Variants in FBXL7 observed in about 807,000 individuals in gnomAD.
FBXL7 encodes F-box and leucine rich repeat protein 7, also known as F-box/LRR-repeat protein 7.
A neutral mutation model predicts 38.3 loss-of-function variants in FBXL7; 12 were observed. The observed-to-expected ratio is 0.31, with a 90% CI of 0.20 to 0.51. The LOEUF is 0.51. FBXL7 is among the 20% of genes least tolerant of loss of function. FBXL7 has a pLI of 0.98. For synonymous variants in FBXL7, 297 were observed against 300.9 expected (o/e 0.99, Z 0.13); for missense variants, 567 against 676.4 (o/e 0.84, Z 1.79).
chr5:15,513,260 A>AT (rs939873522), intron 1 of FBXL7, among the ~76,000 whole-genome samples: 106 of 150,260 alleles, frequency 7.1e-4, no homozygotes, highest in East Asian at 1.4e-3. Flanking sequence ...CATTGTTTCT[A>AT]TTTTTTTTTT....
At chr5:15,593,188 C>G (rs1739531007) in intron 1 of FBXL7, among the ~76,000 whole-genome samples, 1 of 152,204 alleles carries the variant, frequency 6.6e-6, no homozygotes, top group African/African-American at 2.4e-5. Context: ...CTCCCTCTCA[C>G]TTCCTCTGGA....
At chr5:15,768,802 G>A (rs1736658184) in intron 2 of FBXL7, among the ~76,000 whole-genome samples, 1 of 152,166 alleles carries the variant, frequency 6.6e-6, no homozygotes, top group African/African-American at 2.4e-5. Context: ...TGCTGTGCAG[G>A]CAACAGCTGG....
At chr5:15,614,000 A>C (rs755756481) in intron 1 of FBXL7, among the ~76,000 whole-genome samples, 1 of 152,146 alleles carries the variant, frequency 6.6e-6, no homozygotes, top group Non-Finnish European at 1.5e-5. Flanking sequence ...TCATAAGGGC[A>C]CTAAGCAGAG....
chr5:15,599,166 A>T (rs1739713670), intron 1 of FBXL7, among the ~76,000 whole-genome samples: 1 of 152,176 alleles, frequency 6.6e-6, no homozygotes, highest in Non-Finnish European at 1.5e-5. Context: ...AGTGGAAGAG[A>T]CAGGGAGGAA....
chr5:15,766,014 ATCTGTCTG>A (rs70938028), intron 2 of FBXL7, among the ~76,000 whole-genome samples: 3 of 151,074 alleles, frequency 2.0e-5, no homozygotes, highest in African/African-American at 7.3e-5. Flanking sequence ...CTTCATCTAT[ATCTGTCTG>A]TCTGTCTGTC....
At chr5:15,735,508 C>G (rs1413123613) in intron 2 of FBXL7, among the ~76,000 whole-genome samples, 3 of 152,114 alleles carry the variant, frequency 2.0e-5, no homozygotes, top group African/African-American at 7.2e-5. Flanking sequence ...GAGGAAACAT[C>G]AACTGAAATA....
intron 1 of FBXL7, among the ~76,000 whole-genome samples, chr5:15,566,151 T>C (rs559057203): frequency 3.8e-4 from 58 of 152,088 alleles, no homozygotes; most frequent in Non-Finnish European, 7.2e-4. Flanking sequence ...AGATAAAAGA[T>C]GGAGGAAAAT....
At chr5:15,694,019 A>C (rs1336173872) in intron 2 of FBXL7, among the ~76,000 whole-genome samples, 2 of 120,220 alleles carry the variant, frequency 1.7e-5, no homozygotes, top group East Asian at 5.5e-4. Context: ...GAACTGATTA[A>C]CACAAGCTGC....
chr5:15,641,401 T>A (rs1741365088), intron 2 of FBXL7, among the ~76,000 whole-genome samples: 1 of 152,048 alleles, frequency 6.6e-6, no homozygotes, highest in African/African-American at 2.4e-5. Flanking sequence ...CAGGAGGCAG[T>A]AGAGACAGGT....
At chr5:15,718,914 A>G (rs1056817785) in intron 2 of FBXL7, among the ~76,000 whole-genome samples, 5 of 152,194 alleles carry the variant, frequency 3.3e-5, no homozygotes, top group African/African-American at 4.8e-5. Context: ...AGATAAGCCC[A>G]GACTTTTCTC....
chr5:15,600,431 G>A (rs1429851336), intron 1 of FBXL7, among the ~76,000 whole-genome samples: 1 of 152,166 alleles, frequency 6.6e-6, no homozygotes, highest in East Asian at 1.9e-4. Flanking sequence ...CGGCTTTCAA[G>A]GTTTTTCTGG....
intron 2 of FBXL7, among the ~76,000 whole-genome samples, chr5:15,893,541 T>C (rs1251298004): frequency 6.6e-6 from 1 of 152,172 alleles, no homozygotes; most frequent in Non-Finnish European, 1.5e-5. Flanking sequence ...ATAGTACCTA[T>C]TGAATTTCAG....
intron 3 of FBXL7, among the ~76,000 whole-genome samples, chr5:15,933,095 A>G (rs567685565): frequency 1.3e-5 from 2 of 152,198 alleles, no homozygotes; most frequent in African/African-American, 4.8e-5. Context: ...TAATGTTTGA[A>G]TGTGTGAACT....
intron 2 of FBXL7, among the ~76,000 whole-genome samples, chr5:15,865,920 A>C (rs1739689925): frequency 6.6e-6 from 1 of 152,208 alleles, no homozygotes; most frequent in Non-Finnish European, 1.5e-5. Context: ...CTTCAGGGAA[A>C]ATGCCCACAT....
In FBXL7 at chr5:15,706,138, C is replaced by T. The variant is rs534790983; in HGVS notation, c.127+90066C>T. On this transcript the variant is annotated intron_variant, in intron 2 of 3. Coordinates refer to ENST00000504595, the MANE Select transcript of FBXL7 (RefSeq NM_012304.5). ...GGTATGATACAGTTTGTATATTTGT[C>T]TCTGTCTAAATCTTACGTTGAATAG... 2.0e-5 allele frequency among the ~76,000 whole-genome samples: 3 copies of T among 152,262 alleles called. No individual in the cohort carries two copies. In the East Asian group the frequency reaches 5.8e-4, roughly 29 times the overall value.
chr5:15,625,122 C>T (rs1740769714), intron 2 of FBXL7, among the ~76,000 whole-genome samples: 1 of 152,142 alleles, frequency 6.6e-6, no homozygotes, highest in African/African-American at 2.4e-5. Flanking sequence ...CTCAGACATT[C>T]TGTTATAGCA....
At chr5:15,714,481 A>G (rs1194187372) in intron 2 of FBXL7, among the ~76,000 whole-genome samples, 4 of 150,432 alleles carry the variant, frequency 2.7e-5, no homozygotes, top group African/African-American at 5.0e-5. Flanking sequence ...AACAGACTAC[A>G]CAAGGTAATG....
chr5:15,915,048 T>C (rs906148127), intron 2 of FBXL7, among the ~76,000 whole-genome samples: 6 of 152,170 alleles, frequency 3.9e-5, no homozygotes, highest in Non-Finnish European at 7.4e-5. Context: ...TGACTGAAAA[T>C]TCATCAGTTA....
intron 1 of FBXL7, among the ~76,000 whole-genome samples, chr5:15,607,649 C>A (rs1203555509): frequency 6.6e-6 from 1 of 152,098 alleles, no homozygotes; most frequent in Non-Finnish European, 1.5e-5. Context: ...ACAGACAGCC[C>A]AAGGGAATGC....
Sources: allele counts gnomAD v4.1 joint callset (sites outside exome capture counted in the v4.1 genomes callset), GRCh38; gene constraint gnomAD v4.1.1; transcripts MANE v1.5; gene names NCBI Gene and HGNC (gene_info 2026-07-23, HGNC 2026-07-21).